Variants in WDR64 observed in about 807,000 individuals in gnomAD.
WDR64 encodes WD repeat-containing protein 64.
WDR64 carries 112 observed loss-of-function variants against 139.3 expected under a neutral mutation model. That is an observed-to-expected ratio of 0.80 (90% confidence interval 0.69 to 0.94). The LOEUF is 0.94. WDR64 is among the 40% of genes least tolerant of loss of function. The pLI, the probability that WDR64 is intolerant of heterozygous loss-of-function variation, is 0.00. For missense variants in WDR64, 1,206 were observed against 1,293.1 expected, an observed-to-expected ratio of 0.93 and a Z score of 1.03; for synonymous variants, 444 against 437.7, an observed-to-expected ratio of 1.01 and a Z score of -0.18.
chr1:241,742,762 G>A (rs956489054), intron 12 of WDR64, among the ~76,000 whole-genome samples: 3 of 152,104 alleles, frequency 2.0e-5, no homozygotes, highest in Non-Finnish European at 2.9e-5. Flanking sequence ...TCTTGTGTGA[G>A]ATCCAAGAAC....
intron 3 of WDR64, among the ~76,000 whole-genome samples, chr1:241,671,835 C>T (rs920522320): frequency 1.3e-5 from 2 of 152,118 alleles, no homozygotes; most frequent in African/African-American, 4.8e-5. Flanking sequence ...TCCAGCATTT[C>T]CTCTCATATT....
At chr1:241,770,723 G>A in intron 18 of WDR64, 33 bp downstream of exon 18, 1 of 1,543,008 alleles carries the variant, frequency 6.5e-7, no homozygotes, top group Non-Finnish European at 8.8e-7. Flanking sequence ...CTGTCTTCCT[G>A]TCATACTCAA....
intron 8 of WDR64, among the ~76,000 whole-genome samples, chr1:241,700,769 T>C (rs1298645499): frequency 6.6e-6 from 1 of 152,216 alleles, no homozygotes; most frequent in Non-Finnish European, 1.5e-5. Context: ...ATTTTTGTGA[T>C]GGTCAAATAA....
At chr1:241,698,764 C>T (rs528518257) in intron 8 of WDR64, among the ~76,000 whole-genome samples, 1 of 152,322 alleles carries the variant, frequency 6.6e-6, no homozygotes, top group East Asian at 1.9e-4. Context: ...TTCCTGACCA[C>T]TCCTCAGCAC....
intron 21 of WDR64, among the ~76,000 whole-genome samples, chr1:241,778,323 C>T (rs12033573): frequency 0.042 from 6,448 of 152,188 alleles, 345 homozygotes; most frequent in East Asian, 0.28. Flanking sequence ...GCTACACTTG[C>T]TTTCTTTTGA....
intron 15 of WDR64, among the ~76,000 whole-genome samples, chr1:241,760,409 T>A (rs562020920): frequency 6.7e-5 from 10 of 148,264 alleles, no homozygotes; most frequent in Admixed American, 3.4e-4. Flanking sequence ...ACCGGAAGCC[T>A]CATCTACACC....
chr1:241,786,822 G>T (rs568482726), intron 23 of WDR64, among the ~76,000 whole-genome samples: 1 of 152,176 alleles, frequency 6.6e-6, no homozygotes, highest in South Asian at 2.1e-4. Context: ...TAGAAAGAAA[G>T]CAAATGTGGT....
rs76774213 is a variant in WDR64, at chr1:241,712,990, T to C, written c.1054+1109T>C. On this transcript the variant is annotated intron_variant, in intron 9 of 27. Transcript: ENST00000437684. Reference sequence around the variant, plus strand: ...ATTCAAAGTCCTCAATACAAATTTGTTATTAATAATACAAACAATAAGAAA... The same window carrying C: ...ATTCAAAGTCCTCAATACAAATTTGCTATTAATAATACAAACAATAAGAAA... 9.1e-3 allele frequency among the ~76,000 whole-genome samples: 1,373 copies of C among 151,476 alleles called. 23 individuals are homozygous for C. The highest frequency in any genetic ancestry group is 0.03 in the African/African-American group (1,256 of 41,218).
chr1:241,757,220 CT>C lies in WDR64; in HGVS notation c.1771-60del, dbSNP rs546826821. ...ATTGTAGGTTCTATTTTCTCTATCT[CT>C]TTAAAACAGTTCAAAATAAAATAAT... is the stretch of plus-strand genomic sequence containing the variant. On this transcript the variant is annotated intron_variant, in intron 14 of 27. Coordinates refer to ENST00000437684, the MANE Select transcript of WDR64 (RefSeq NM_001367482.1). The C allele has an allele frequency of 7.2e-4, 1,057 of 1,478,068 alleles. 5 individuals are homozygous for C. In the African/African-American group the frequency reaches 0.013, roughly 19 times the overall value. The allele number at this position is 1,478,068 out of a possible 1,614,324, so 91.6% of individuals were successfully genotyped here. A position where few individuals can be genotyped will look rare whatever the true frequency, so the allele number is the denominator to read the frequency against.
At chr1:241,659,181 T>C (rs1369511726) in intron 1 of WDR64, among the ~76,000 whole-genome samples, 1 of 152,228 alleles carries the variant, frequency 6.6e-6, no homozygotes, top group Admixed American at 6.5e-5. Context: ...GTTCCTGCGT[T>C]AGTTTGCTAA....
intron 13 of WDR64, among the ~76,000 whole-genome samples, chr1:241,748,626 A>G (rs1447161148): frequency 6.6e-6 from 1 of 152,116 alleles, no homozygotes; most frequent in East Asian, 1.9e-4. Context: ...TTTCAAACAG[A>G]AAGTATAATT....
At chr1:241,713,337 AAGGGAGGG>A (rs80265012) in intron 9 of WDR64, among the ~76,000 whole-genome samples, 1 of 93,378 alleles carries the variant, frequency 1.1e-5, no homozygotes, top group Non-Finnish European at 2.2e-5. Context: ...GGAAGGAAGG[AAGGGAGGG>A]AGGGAGGGAG....
intron 14 of WDR64, among the ~76,000 whole-genome samples, chr1:241,756,648 T>A (rs1670202693): frequency 6.6e-6 from 1 of 152,142 alleles, no homozygotes; most frequent in South Asian, 2.1e-4. Flanking sequence ...TCTCCTCTAC[T>A]CCTGGTGAGA....
intron 13 of WDR64, 92 bp downstream of exon 13, chr1:241,744,608 C>A: frequency 6.5e-7 from 1 of 1,534,294 alleles, no homozygotes; most frequent in Non-Finnish European, 8.8e-7. Flanking sequence ...AGAAGGAGAG[C>A]ATGAAGCAGG....
intron 10 of WDR64, among the ~76,000 whole-genome samples, chr1:241,737,196 G>A (rs10802989): frequency 0.31 from 47,065 of 152,040 alleles, 8,094 homozygotes; most frequent in East Asian, 0.5. Context: ...CTAGAACAAA[G>A]AAAATAAATT....
At position 241,687,479 on chromosome 1, in the gene WDR64, T is replaced by C; in HGVS notation, c.858T>C (p.His286=). ...TCCCCAGTGTTAAAAGGAAGCTACA[T>C]AATGACTGGGTTATGAAAATTAGAT... ...KNFKSVKRKL[H]NDWVMKIRYI... Residue 286 remains histidine, a synonymous_variant, in exon 8 of 28, where the codon CAT becomes CAC. Transcript: ENST00000437684. 5.6e-6 allele frequency: 9 copies of C among 1,613,950 alleles called. No homozygotes were observed. Among genetic ancestry groups the C allele is most frequent in the Non-Finnish European group, 7.6e-6 (9 of 1,179,920 alleles).
rs905376110 is a variant in WDR64 at position 241,671,196 on chromosome 1, T to G, written c.379+20T>G. Reference sequence around the variant, plus strand: ...TTTCAGGTGACATTTTAATTTTCTCTTCCAAATTAGTATGAGTTTTAATAT... The same window carrying G: ...TTTCAGGTGACATTTTAATTTTCTCGTCCAAATTAGTATGAGTTTTAATAT... On this transcript the variant is annotated intron_variant, in intron 3 of 27. Coordinates refer to ENST00000437684, the MANE Select transcript of WDR64 (RefSeq NM_001367482.1). 1 of 1,448,738 alleles carries G rather than the reference T, an allele frequency of 6.9e-7. No homozygotes were observed. Among genetic ancestry groups the G allele is most frequent in the Non-Finnish European group, 9.5e-7 (1 of 1,056,752 alleles). The allele number at this position is 1,448,738 out of a possible 1,614,324, so 89.7% of individuals were successfully genotyped here. A position where few individuals can be genotyped will look rare whatever the true frequency, so the allele number is the denominator to read the frequency against.
intron 23 of WDR64, among the ~76,000 whole-genome samples, chr1:241,784,953 G>GAAAAAA (rs58720618): frequency 2.4e-4 from 15 of 62,234 alleles, no homozygotes; most frequent in East Asian, 6.1e-4. Context: ...GACTCTGTCT[G>GAAAAAA]AAAAAAAAAA....
At chr1:241,788,094 G>A in intron 24 of WDR64, 60 bp downstream of exon 24, 1 of 1,428,586 alleles carries the variant, frequency 7.0e-7, no homozygotes, top group Non-Finnish European at 9.3e-7. Flanking sequence ...GAGATGCTGT[G>A]GCACTGTCCT....
Sources: gnomAD v4.1 joint callset for allele counts (sites outside exome capture counted in the v4.1 genomes callset) on GRCh38, gnomAD v4.1.1 for gene constraint, MANE v1.5 for transcripts, NCBI Gene and HGNC (gene_info 2026-07-23, HGNC 2026-07-21) for gene names.